Variants in KCNIP4 observed in about 807,000 individuals in gnomAD.
The protein encoded by KCNIP4 is potassium voltage-gated channel interacting protein 4.
Under a neutral mutation model 34.0 loss-of-function variants are expected in KCNIP4, and 12 were observed. The ratio of observed to expected loss-of-function variants is 0.35; its 90% CI spans 0.23 to 0.57. The LOEUF (loss-of-function observed/expected upper bound fraction) is 0.57, where lower values mean the gene tolerates loss of function less well. Ranked by LOEUF, KCNIP4 falls within the 20% of genes least tolerant of loss-of-function variation. KCNIP4 has a pLI of 0.83. For synonymous variants in KCNIP4, 124 were observed against 102.2 expected (o/e 1.21, Z -1.29); for missense variants, 238 against 311.7 (o/e 0.76, Z 1.78).
intron 1 of KCNIP4, among the ~76,000 whole-genome samples, chr4:21,345,459 A>G (rs540979128): frequency 2.0e-5 from 3 of 152,308 alleles, no homozygotes; most frequent in African/African-American, 7.2e-5. Context: ...GTTACATAGT[A>G]ATGGATAACT....
At chr4:21,621,281 G>C (rs543514446) in intron 1 of KCNIP4, among the ~76,000 whole-genome samples, 89 of 152,292 alleles carry the variant, frequency 5.8e-4, no homozygotes, top group African/African-American at 2.1e-3. Flanking sequence ...ATGCTATCTA[G>C]ATCTCTCCAG....
At chr4:21,253,917 A>G (rs1760887644) in intron 1 of KCNIP4, among the ~76,000 whole-genome samples, 1 of 152,114 alleles carries the variant, frequency 6.6e-6, no homozygotes, top group Non-Finnish European at 1.5e-5. Context: ...GACCTCAAAA[A>G]CATCACACTA....
chr4:21,030,450 C>T lies in KCNIP4; in HGVS notation c.62-147741G>A, dbSNP rs1484210465. 3.3e-5 allele frequency among the ~76,000 whole-genome samples: 5 copies of T among 152,208 alleles called. No homozygotes were observed. The East Asian group carries it at 9.7e-4, about 29-fold the overall frequency. ...GTAATAATAGCAGAAATAAAGTGCA[C>T]AATAAATGTAATGTGCTTGAATCAT... On this transcript the variant is annotated intron_variant, in intron 1 of 8. Coordinates refer to ENST00000382152, the MANE Select transcript of KCNIP4 (RefSeq NM_025221.6).
chr4:21,294,426 T>C (rs1763720610), intron 1 of KCNIP4, among the ~76,000 whole-genome samples: 1 of 152,198 alleles, frequency 6.6e-6, no homozygotes, highest in Non-Finnish European at 1.5e-5. Context: ...GAATCCTTGT[T>C]TCTGCCTGTG....
intron 3 of KCNIP4, among the ~76,000 whole-genome samples, chr4:20,783,683 T>C (rs969729034): frequency 1.3e-5 from 2 of 152,138 alleles, no homozygotes; most frequent in Non-Finnish European, 2.9e-5. Flanking sequence ...CACAGAGCCA[T>C]AGAATATCAG....
intron 1 of KCNIP4, among the ~76,000 whole-genome samples, chr4:21,741,274 A>G (rs915243294): frequency 6.6e-6 from 1 of 152,200 alleles, no homozygotes; most frequent in African/African-American, 2.4e-5. Context: ...CTATGAAATA[A>G]GTTGGTGCAT....
At chr4:20,860,182 C>T (rs1204056719) in intron 2 of KCNIP4, among the ~76,000 whole-genome samples, 1 of 151,728 alleles carries the variant, frequency 6.6e-6, no homozygotes, top group East Asian at 1.9e-4. Flanking sequence ...TCTTGTTGCC[C>T]AGGTTGGAGT....
chr4:21,227,162 G>C (rs1452904852), intron 1 of KCNIP4, among the ~76,000 whole-genome samples: 1 of 152,172 alleles, frequency 6.6e-6, no homozygotes. Flanking sequence ...AACTGCTTCA[G>C]TCTGTCAACA....
chr4:21,790,796 C>T (rs1232936432), intron 1 of KCNIP4, among the ~76,000 whole-genome samples: 1 of 151,860 alleles, frequency 6.6e-6, no homozygotes, highest in Non-Finnish European at 1.5e-5. Context: ...GCACAATATT[C>T]TCATTTTCAA....
chr4:21,303,579 G>T (rs1435487941), intron 1 of KCNIP4, among the ~76,000 whole-genome samples: 1 of 152,052 alleles, frequency 6.6e-6, no homozygotes, highest in African/African-American at 2.4e-5. Context: ...TGACATTTTT[G>T]ATCCAAAGTG....
chr4:21,237,998 G>A (rs978346781), intron 1 of KCNIP4, among the ~76,000 whole-genome samples: 5 of 152,002 alleles, frequency 3.3e-5, no homozygotes, highest in African/African-American at 4.8e-5. Flanking sequence ...CTGGCAAACC[G>A]AATCCAGCAG....
At chr4:21,235,880 G>A (rs1759320508) in intron 1 of KCNIP4, among the ~76,000 whole-genome samples, 1 of 152,170 alleles carries the variant, frequency 6.6e-6, no homozygotes, top group Admixed American at 6.6e-5. Context: ...CTAGGAGAAG[G>A]CATTGCCTAG....
intron 1 of KCNIP4, among the ~76,000 whole-genome samples, chr4:21,049,038 C>T (rs2108942198): frequency 6.7e-6 from 1 of 149,588 alleles, no homozygotes; most frequent in Non-Finnish European, 1.5e-5. Flanking sequence ...GCAAGCTCCG[C>T]CTCCCGGGTT....
intron 1 of KCNIP4, among the ~76,000 whole-genome samples, chr4:21,760,107 T>C (rs906161333): frequency 6.0e-5 from 9 of 150,840 alleles, no homozygotes; most frequent in African/African-American, 2.2e-4. Flanking sequence ...TTCTCACCCA[T>C]AATGTTGCCG....
chr4:21,347,266 G>A (rs1382805235), intron 1 of KCNIP4, among the ~76,000 whole-genome samples: 1 of 152,220 alleles, frequency 6.6e-6, no homozygotes, highest in Non-Finnish European at 1.5e-5. Flanking sequence ...TATCTTCCCT[G>A]TGGCTAGAGG....
chr4:21,311,687 C>CA lies in KCNIP4; in HGVS notation c.62-428979dup, dbSNP rs553580148. On this transcript the variant is annotated intron_variant, in intron 1 of 8. Transcript: ENST00000382152. ...CTGGTGTCAGGGCAAGACTCTGTCTCAAAAAAAAGAAAAAAAATGTAAAAA... is the reference window on the plus strand; with the variant it reads ...CTGGTGTCAGGGCAAGACTCTGTCTCAAAAAAAAAGAAAAAAAATGTAAAAA... 1.2e-4 allele frequency among the ~76,000 whole-genome samples: 16 copies of CA among 137,730 alleles called. No individual in the cohort carries two copies. The South Asian group carries it at 1.6e-3, about 14-fold the overall frequency. The allele number at this position is 137,730 out of a possible 152,430, so 90.4% of individuals were successfully genotyped here. A position where few individuals can be genotyped will look rare whatever the true frequency, so the allele number is the denominator to read the frequency against.
At chr4:21,222,434 A>C (rs1366898331) in intron 1 of KCNIP4, among the ~76,000 whole-genome samples, 4 of 152,184 alleles carry the variant, frequency 2.6e-5, no homozygotes, top group African/African-American at 9.7e-5. Flanking sequence ...CAGTCTTAGA[A>C]GGCAGCACAT....
At position 21,247,759 on chromosome 4, in the gene KCNIP4, T is replaced by TATATATATATATATATAC. The variant is rs1366204923; in HGVS notation, c.62-365051_62-365050insGTATATATATATATATAT. Among the ~76,000 whole-genome samples the TATATATATATATATATAC allele has an allele frequency of 8.1e-4, 97 of 119,986 alleles. 2 individuals carry two copies. Among genetic ancestry groups the TATATATATATATATATAC allele is most frequent in the African/African-American group, 3.2e-3 (90 of 28,026 alleles). 78.7% of individuals were successfully genotyped at this position (119,986 alleles called of 152,430 possible). ...GGATATATATATATATATATATATATACACCCCACAGGTGTTTTTTATATA... is the reference window on the plus strand; with the variant it reads ...GGATATATATATATATATATATATATATATATATATATATATACACACCCCACAGGTGTTTTTTATATA... On this transcript the variant is annotated intron_variant, in intron 1 of 8. Transcript: ENST00000382152.
chr4:21,733,949 G>T (rs530739757), intron 1 of KCNIP4, among the ~76,000 whole-genome samples: 1 of 152,256 alleles, frequency 6.6e-6, no homozygotes, highest in Admixed American at 6.5e-5. Context: ...TATCATTCAG[G>T]AAAAGACCTT....
Sources: gnomAD v4.1 joint callset for allele counts (sites outside exome capture counted in the v4.1 genomes callset) on GRCh38, gnomAD v4.1.1 for gene constraint, MANE v1.5 for transcripts, NCBI Gene and HGNC (gene_info 2026-07-23, HGNC 2026-07-21) for gene names.